Variants in RELN observed in about 807,000 individuals in gnomAD.
RELN encodes the protein reelin.
Under a neutral mutation model 427.6 loss-of-function variants are expected in RELN, and 108 were observed. That is an observed-to-expected ratio of 0.25 (90% confidence interval 0.22 to 0.30). RELN has a LOEUF of 0.30. RELN is among the 10% of genes least tolerant of loss of function. The pLI, the probability that RELN is intolerant of heterozygous loss-of-function variation, is 1.00. For synonymous variants in RELN, 1,524 were observed against 1,513.4 expected (o/e 1.01, Z -0.16); for missense variants, 3,715 against 4,302.8 (o/e 0.86, Z 3.82).
chr7:103,636,984 C>A (rs1252693862), intron 17 of RELN, among the ~76,000 whole-genome samples: 3 of 152,108 alleles, frequency 2.0e-5, no homozygotes, highest in Non-Finnish European at 4.4e-5. Context: ...AATGTGTACA[C>A]CCTTGACCTA....
At position 103,486,335 on chromosome 7, in the gene RELN, T is replaced by C; in HGVS notation, c.9845A>G (p.Asn3282Ser). 6.2e-7 allele frequency: 1 copy of C among 1,614,126 alleles called. No homozygotes were observed. The highest frequency in any genetic ancestry group is 8.5e-7 in the Non-Finnish European group (1 of 1,180,008). Residue 3282 changes from asparagine to serine, a missense_variant, in exon 61 of 65, where the codon AAC becomes AGC. Transcript: ENST00000428762. Reference sequence around the variant, plus strand: ...GACTCCACCTTGAATGGTCTCCCAGTTTGCCTCGGTGACTCTTGCGGACTC... The same window carrying C: ...GACTCCACCTTGAATGGTCTCCCAGCTTGCCTCGGTGACTCTTGCGGACTC... Reference protein sequence around the residue: ...NFESARVTEANWETIQGGVIG... With the variant: ...NFESARVTEASWETIQGGVIG...
chr7:103,942,071 A>C (rs1229444259), intron 1 of RELN, among the ~76,000 whole-genome samples: 6 of 152,174 alleles, frequency 3.9e-5, no homozygotes, highest in Non-Finnish European at 8.8e-5. Context: ...TAAAGCAAAA[A>C]CTAAATTTGT....
At chr7:103,766,761 C>G (rs1791433928) in intron 4 of RELN, among the ~76,000 whole-genome samples, 1 of 152,238 alleles carries the variant, frequency 6.6e-6, no homozygotes, top group Admixed American at 6.5e-5. Context: ...AGCACAGCCA[C>G]AGTTTCTACC....
chr7:103,827,735 A>G (rs890109466), intron 3 of RELN, among the ~76,000 whole-genome samples: 3 of 151,966 alleles, frequency 2.0e-5, no homozygotes, highest in Admixed American at 1.3e-4. Flanking sequence ...TGTCATCTAG[A>G]GGTATATTTT....
chr7:103,775,484 A>G (rs1584483691), intron 4 of RELN, among the ~76,000 whole-genome samples: 3 of 152,186 alleles, frequency 2.0e-5, no homozygotes, highest in Non-Finnish European at 4.4e-5. Flanking sequence ...TTTCTTAGGT[A>G]TCTCAAAAAC....
chr7:103,722,504 G>A (rs1222902833), intron 8 of RELN, among the ~76,000 whole-genome samples: 1 of 152,030 alleles, frequency 6.6e-6, no homozygotes, highest in African/African-American at 2.4e-5. Context: ...ATTTATACAA[G>A]TTATTTATAA....
chr7:103,490,633 T>A, intron 59 of RELN, 35 bp downstream of exon 59: 1 of 1,610,816 alleles, frequency 6.2e-7, no homozygotes, highest in Non-Finnish European at 8.5e-7. Flanking sequence ...AGAGGCCAGA[T>A]AATTTCACAA....
chr7:103,575,594 A>G lies in RELN; in HGVS notation c.4257T>C (p.His1419=), dbSNP rs138924805. The change falls in exon 29 of 65, where the codon CAT becomes CAC. Residue 1419 remains histidine, a synonymous_variant. Transcript: ENST00000428762. ...AACACACTCCTGAAATGCAGTCCCC[A>G]TGGCCACTGCAGTAACTGGGACAAG... ...SEPCPSYCSG[H]GDCISGVCFC... 23 of 1,614,024 alleles carry G rather than the reference A, an allele frequency of 1.4e-5. No individual in the cohort carries two copies. Among genetic ancestry groups the G allele is most frequent in the Non-Finnish European group, 1.9e-5 (22 of 1,180,002 alleles).
chr7:103,538,943 A>C, intron 45 of RELN, 135 bp downstream of exon 45: 13 of 923,960 alleles, frequency 1.4e-5, no homozygotes, highest in Non-Finnish European at 2.0e-5. Context: ...TCAAGAGTAC[A>C]GTGTGGTTTG....
chr7:103,946,493 C>G (rs1383061455), intron 1 of RELN, among the ~76,000 whole-genome samples: 1 of 152,090 alleles, frequency 6.6e-6, no homozygotes, highest in African/African-American at 2.4e-5. Context: ...CTATAGTGAC[C>G]ATGGCTTCAG....
At chr7:103,833,747 C>G (rs1793331041) in intron 2 of RELN, 75 bp from the exon 3 acceptor site, 2 of 1,432,350 alleles carry the variant, frequency 1.4e-6, no homozygotes, top group African/African-American at 2.8e-5. Flanking sequence ...ACAGTATTTT[C>G]TGAATATTTT....
At chr7:103,670,747 T>C (rs1018242664) in intron 11 of RELN, among the ~76,000 whole-genome samples, 8 of 152,098 alleles carry the variant, frequency 5.3e-5, no homozygotes, top group African/African-American at 1.7e-4. Flanking sequence ...TATCTCATTA[T>C]AGGTTGATGA....
chr7:103,721,558 A>G (rs1790077953), intron 8 of RELN, among the ~76,000 whole-genome samples: 1 of 152,170 alleles, frequency 6.6e-6, no homozygotes, highest in Non-Finnish European at 1.5e-5. Flanking sequence ...TAGAGAATCT[A>G]TGCCATATTA....
chr7:103,751,436 T>G (rs1220814653), intron 5 of RELN, among the ~76,000 whole-genome samples: 4 of 152,164 alleles, frequency 2.6e-5, no homozygotes, highest in Admixed American at 2.6e-4. Context: ...CGTAATGAAG[T>G]CATGGAAACC....
intron 58 of RELN, 108 bp downstream of exon 58, chr7:103,491,845 C>T: frequency 3.2e-6 from 2 of 633,032 alleles, no homozygotes; most frequent in South Asian, 3.4e-5. Context: ...CTCTCTCTCT[C>T]TCTCTCTCTC....
chr7:103,858,665 G>A (rs1794002369), intron 2 of RELN, among the ~76,000 whole-genome samples: 1 of 152,132 alleles, frequency 6.6e-6, no homozygotes, highest in Non-Finnish European at 1.5e-5. Context: ...CACCAACACT[G>A]TCATTAGTGC....
At chr7:103,887,280 G>T (rs977888765) in intron 2 of RELN, among the ~76,000 whole-genome samples, 1 of 152,188 alleles carries the variant, frequency 6.6e-6, no homozygotes, top group Non-Finnish European at 1.5e-5. Context: ...CAGTGACACG[G>T]AAGTGAGGAT....
At chr7:103,905,085 A>T (rs1795170129) in intron 2 of RELN, among the ~76,000 whole-genome samples, 1 of 140,980 alleles carries the variant, frequency 7.1e-6, no homozygotes, top group Non-Finnish European at 1.5e-5. Flanking sequence ...GGTTCAAGTG[A>T]TTCTCCTGTC....
At chr7:103,987,984 C>A (rs148948511) in intron 1 of RELN, among the ~76,000 whole-genome samples, 361 of 152,218 alleles carry the variant, frequency 2.4e-3, no homozygotes, top group African/African-American at 8.4e-3. Flanking sequence ...AGGATTCTTA[C>A]AATTTTTAAA....
Sources: allele counts gnomAD v4.1 joint callset (sites outside exome capture counted in the v4.1 genomes callset), GRCh38; gene constraint gnomAD v4.1.1; transcripts MANE v1.5; gene names NCBI Gene and HGNC (gene_info 2026-07-23, HGNC 2026-07-21).